SUZ12: variants seen among roughly 807,000 people sequenced by gnomAD.
SUZ12 encodes polycomb protein SUZ12.
In SUZ12, 17 loss-of-function variants were observed where a neutral mutation model predicts 87.3. The observed-to-expected ratio is 0.19, with a 90% CI of 0.13 to 0.29. The LOEUF (loss-of-function observed/expected upper bound fraction) is 0.29, where lower values mean the gene tolerates loss of function less well. SUZ12 is among the 10% of genes least tolerant of loss of function. The pLI is 1.00. For missense variants in SUZ12, 526 were observed against 912.2 expected, an observed-to-expected ratio of 0.58 and a Z score of 5.45; for synonymous variants, 253 against 312.4, an observed-to-expected ratio of 0.81 and a Z score of 2.01.
chr17:31,969,122 G>A (rs1373707816), intron 5 of SUZ12, among the ~76,000 whole-genome samples: 2 of 151,924 alleles, frequency 1.3e-5, no homozygotes, highest in African/African-American at 4.8e-5. Flanking sequence ...GATTACAGGC[G>A]GGTGCCACCA....
intron 5 of SUZ12, among the ~76,000 whole-genome samples, chr17:31,971,508 A>G (rs1156272571): frequency 1.1e-4 from 17 of 148,634 alleles, no homozygotes; most frequent in Non-Finnish European, 1.5e-5. Context: ...GCTTACTGCA[A>G]CCTCTGCTCC....
intron 5 of SUZ12, 113 bp downstream of exon 5, chr17:31,966,309 A>C: frequency 1.1e-6 from 1 of 935,074 alleles, no homozygotes; most frequent in Non-Finnish European, 1.6e-6. Flanking sequence ...AATGGAAAAT[A>C]TGTTGGTTCT....
In SUZ12 at chr17:31,981,973, G is replaced by GA. The variant is rs202108408; in HGVS notation, c.918-1024dup. Among the ~76,000 whole-genome samples the GA allele has an allele frequency of 7.9e-4, 121 of 152,320 alleles. 1 individual carries two copies. The East Asian group carries it at 0.022, about 28-fold the overall frequency. On this transcript the variant is annotated intron_variant, in intron 8 of 15. Transcript: ENST00000322652. Reference sequence around the variant, plus strand: ...CTAATAGAATTTCTCTAAGAGTGATGAAGAGAAGCCAGTTTCTTGATATAT... The same window carrying GA: ...CTAATAGAATTTCTCTAAGAGTGATGAAAGAGAAGCCAGTTTCTTGATATAT...
At chr17:31,946,859 G>C (rs1218105029) in intron 3 of SUZ12, among the ~76,000 whole-genome samples, 1 of 151,834 alleles carries the variant, frequency 6.6e-6, no homozygotes, top group Non-Finnish European at 1.5e-5. Context: ...TCTATTTTTT[G>C]GGAAATAGCT....
Position 31,995,653 on chromosome 17 carries a change from A to G in SUZ12, c.1685A>G (p.Asn562Ser). The stretch of plus-strand genomic sequence containing the variant: ...CAAAGAACATATAGTAGTGGCCACA[A>G]TCGTCTGTATTTCCATAGTGATACC... ...EQQRTYSSGH[N>S]RLYFHSDTCL... The change falls in exon 14 of 16, where the codon AAT becomes AGT. Residue 562 changes from asparagine (N) to serine (S), a missense_variant. Asn to Ser is a conservative substitution (Grantham distance 46). This residue lies in a region of SUZ12 where 143 missense variants were observed against 321.6 expected (regional missense o/e 0.44). Coordinates refer to ENST00000322652, the MANE Select transcript of SUZ12 (RefSeq NM_015355.4). The G allele has an allele frequency of 6.2e-7, 1 of 1,613,996 alleles. No homozygotes were observed. The highest frequency in any genetic ancestry group is 8.5e-7 in the Non-Finnish European group (1 of 1,179,916).
intron 8 of SUZ12, among the ~76,000 whole-genome samples, chr17:31,980,143 G>A (rs1325646582): frequency 6.6e-6 from 1 of 151,564 alleles, no homozygotes; most frequent in African/African-American, 2.4e-5. Flanking sequence ...GGGCAACATA[G>A]CAAGACCTCG....
Position 31,988,476 on chromosome 17 carries a change from G to A in SUZ12, c.1180G>A (p.Val394Ile), listed in dbSNP as rs1444822034. ...CCATCAGGAAAACAAGCCTGGTTCA[G>A]TTAAACCTACTCAAACTATTGGTAA... ...SLHQENKPGS[V>I]KPTQTIAVKE... The change falls in exon 10 of 16, where the codon GTT (valine) becomes ATT (isoleucine). Residue 394 changes from valine (V) to isoleucine (I), a missense_variant. Val to Ile is a conservative substitution (Grantham distance 29). This residue lies in a region of SUZ12 where 85 missense variants were observed against 87.4 expected (regional missense o/e 0.97). Coordinates refer to ENST00000322652, the MANE Select transcript of SUZ12 (RefSeq NM_015355.4). 1 of 1,601,990 alleles carries A rather than the reference G, an allele frequency of 6.2e-7. No homozygotes were observed. The highest frequency in any genetic ancestry group is 1.3e-5 in the African/African-American group (1 of 74,124).
At chr17:31,959,285 T>C (rs1271469003) in intron 4 of SUZ12, among the ~76,000 whole-genome samples, 1 of 152,224 alleles carries the variant, frequency 6.6e-6, no homozygotes, top group East Asian at 1.9e-4. Flanking sequence ...TCTTAAAAAT[T>C]TGAATATTCA....
At chr17:31,950,716 C>T (rs1906916332) in intron 4 of SUZ12, among the ~76,000 whole-genome samples, 1 of 151,986 alleles carries the variant, frequency 6.6e-6, no homozygotes, top group African/African-American at 2.4e-5. Flanking sequence ...CTTTGTTGTT[C>T]CATAACATTA....
intron 10 of SUZ12, among the ~76,000 whole-genome samples, chr17:31,989,067 C>T (rs1323746580): frequency 6.6e-6 from 1 of 150,378 alleles, no homozygotes; most frequent in African/African-American, 2.4e-5. Flanking sequence ...TACTCCATCT[C>T]AAAAAAAATA....
intron 4 of SUZ12, among the ~76,000 whole-genome samples, chr17:31,956,760 GTATATATATGTA>G (rs1469957928): frequency 6.6e-6 from 1 of 151,546 alleles, no homozygotes; most frequent in Non-Finnish European, 1.5e-5. Context: ...GTGTGTGTGT[GTATATATATGTA>G]TATATGTATA....
In SUZ12 at chr17:31,937,335, C is replaced by T. The variant is rs1284405136; in HGVS notation, c.89C>T (p.Ala30Val). 5 of 1,470,488 alleles carry T rather than the reference C, an allele frequency of 3.4e-6. No individual in the cohort carries two copies. Among genetic ancestry groups the T allele is most frequent in the Admixed American group, 2.5e-5 (1 of 39,602 alleles). The allele number at this position is 1,470,488 out of a possible 1,614,324, so 91.1% of individuals were successfully genotyped here. Reference sequence around the variant, plus strand: ...GGAGGCGGCTTCGGGGGTTCGGCGGCGGTGGCGGCGGCGACGGCTTCGGGC... The same window carrying T: ...GGAGGCGGCTTCGGGGGTTCGGCGGTGGTGGCGGCGGCGACGGCTTCGGGC... ...SGGGGFGGSAAVAAATASGGK... is the reference protein window; with the variant it reads ...SGGGGFGGSAVVAAATASGGK... Residue 30 changes from alanine to valine, a missense_variant, in exon 1 of 16, where the codon GCG becomes GTG. By Grantham distance (64) the Ala-to-Val change is moderately conservative. This residue lies in a region of SUZ12 where 92 missense variants were observed against 109.9 expected (regional missense o/e 0.84). Coordinates refer to ENST00000322652, the MANE Select transcript of SUZ12 (RefSeq NM_015355.4).
intron 4 of SUZ12, among the ~76,000 whole-genome samples, chr17:31,964,741 A>T (rs1259918102): frequency 1.3e-5 from 2 of 152,102 alleles, no homozygotes; most frequent in Non-Finnish European, 2.9e-5. Context: ...TTCATGGCCT[A>T]CTTCACTAAG....
rs147681445 is a variant in SUZ12 at position 31,983,056 on chromosome 17, T to C, written c.975T>C (p.Cys325=). ...YEVAMQEMEE[C]PISKKRATWE... is the part of the protein sequence containing the mutation. ...TAGCCATGCAGGAAATGGAAGAATG[T>C]CCAATAAGCAAGAAAAGAGCAACAT... Residue 325 remains cysteine, a synonymous_variant, in exon 9 of 16, where the codon TGT becomes TGC. Coordinates refer to ENST00000322652, the MANE Select transcript of SUZ12 (RefSeq NM_015355.4). The C allele has an allele frequency of 1.6e-5, 26 of 1,613,484 alleles. No individual in the cohort carries two copies. The African/African-American group carries it at 2.3e-4, about 14-fold the overall frequency.
intron 3 of SUZ12, among the ~76,000 whole-genome samples, chr17:31,942,518 A>G (rs1375911840): frequency 6.6e-6 from 1 of 151,602 alleles, no homozygotes; most frequent in Admixed American, 6.6e-5. Context: ...TGTATTTTTC[A>G]TGAAGTTGGG....
intron 4 of SUZ12, among the ~76,000 whole-genome samples, chr17:31,948,596 T>C (rs187701193): frequency 1.3e-5 from 2 of 152,354 alleles, no homozygotes; most frequent in African/African-American, 4.8e-5. Flanking sequence ...TGTTGACTGG[T>C]AAAAGACTTC....
Position 31,937,437 on chromosome 17 carries a change from C to T in SUZ12, c.191C>T (p.Ala64Val). 6.5e-7 allele frequency: 1 copy of T among 1,540,864 alleles called. No individual in the cohort carries two copies. The highest frequency in any genetic ancestry group is 8.7e-7 in the Non-Finnish European group (1 of 1,144,632). ...ASSSSSAAAA[A>V]GAAVLPVKKP... ...TCCTCCTCCTCCGCGGCGGCAGCGG[C>T]GGGGGCTGCGGTGTTACCGGTGAAG... The change falls in exon 1 of 16, where the codon GCG becomes GTG. Residue 64 changes from alanine to valine, a missense_variant. Physicochemically the swap from Ala to Val is moderately conservative, Grantham distance 64. Transcript: ENST00000322652.
chr17:31,966,955 G>C (rs1598166171), intron 5 of SUZ12: 1 of 152,202 alleles, frequency 6.6e-6, no homozygotes, highest in African/African-American at 2.4e-5. Context: ...GGCTGAGGCG[G>C]GTGTATCATG....
intron 12 of SUZ12, 95 bp downstream of exon 12, chr17:31,994,103 TAAA>T (rs1405519441): frequency 1.4e-5 from 17 of 1,231,296 alleles, no homozygotes; most frequent in Non-Finnish European, 1.6e-5. Context: ...TTTTTTAAAT[TAAA>T]AAAGGGAAAA....
Sources: gnomAD v4.1 joint callset for allele counts (sites outside exome capture counted in the v4.1 genomes callset) on GRCh38, gnomAD v4.1.1 for gene constraint, gnomAD v4.1.1 regional missense constraint, MANE v1.5 for transcripts, NCBI Gene and HGNC (gene_info 2026-07-23, HGNC 2026-07-21) for gene names.